FAT3: variants seen among roughly 807,000 people sequenced by gnomAD.
FAT3 encodes protocadherin Fat 3.
In FAT3, 95 loss-of-function variants were observed where a neutral mutation model predicts 310.2. That is an observed-to-expected ratio of 0.31 (90% confidence interval 0.26 to 0.36). FAT3 has a LOEUF of 0.36. FAT3 is among the 10% of genes least tolerant of loss of function. The pLI is 1.00. For missense variants in FAT3, 5,408 were observed against 5,715.6 expected (o/e 0.95, Z 1.74); for synonymous variants, 2,314 against 2,192.9 (o/e 1.06, Z -1.54).
intron 1 of FAT3, among the ~76,000 whole-genome samples, chr11:92,242,741 C>T (rs779850996): frequency 1.3e-5 from 2 of 151,968 alleles, no homozygotes; most frequent in Admixed American, 6.6e-5. Flanking sequence ...GTATCTGAAT[C>T]TTATGGTCAC....
intron 2 of FAT3, among the ~76,000 whole-genome samples, chr11:92,478,487 C>T (rs1952107648): frequency 6.6e-6 from 1 of 152,188 alleles, no homozygotes; most frequent in African/African-American, 2.4e-5. Context: ...GTTCCTCACT[C>T]AGGAGATGAT....
chr11:92,309,964 G>GTT (rs540275535), intron 1 of FAT3, among the ~76,000 whole-genome samples: 2 of 138,606 alleles, frequency 1.4e-5, no homozygotes. Context: ...TTAGATCTCT[G>GTT]TTTTTTTTTT....
rs1450102388 is a variant in FAT3 at position 92,565,069 on chromosome 11, A to G, written c.3607+40121A>G. Among the ~76,000 whole-genome samples the G allele has an allele frequency of 4.9e-5, 7 of 143,702 alleles. No homozygotes were observed. The Admixed American group carries it at 5.1e-4, about 10-fold the overall frequency. The allele number at this position is 143,702 out of a possible 152,430, so 94.3% of individuals were successfully genotyped here. On this transcript the variant is annotated intron_variant, in intron 3 of 27. Coordinates refer to ENST00000525166, the MANE Select transcript of FAT3 (RefSeq NM_001367949.2). ...AACTGAAGGAAATAGAGACACAATA[A>G]ACCCTTCAAAAAATTAATGAATCCA... is the stretch of plus-strand genomic sequence containing the variant.
intron 1 of FAT3, among the ~76,000 whole-genome samples, chr11:92,310,661 AT>A (rs1438048401): frequency 3.7e-4 from 56 of 152,204 alleles, no homozygotes; most frequent in African/African-American, 1.2e-3. Flanking sequence ...GTGTGTATAT[AT>A]ATATGTGTAT....
intron 2 of FAT3, chr11:92,366,664 A>G (rs2134695158): frequency 1.9e-6 from 1 of 534,684 alleles, no homozygotes; most frequent in South Asian, 1.4e-5. Flanking sequence ...GACCTTCCAC[A>G]TGCTTGACAA....
At chr11:92,557,777 A>C (rs1308239749) in intron 3 of FAT3, among the ~76,000 whole-genome samples, 1 of 152,182 alleles carries the variant, frequency 6.6e-6, no homozygotes, top group African/African-American at 2.4e-5. Flanking sequence ...AAATCCTGTG[A>C]TGTCTTAAAA....
At chr11:92,889,067 G>A in intron 25 of FAT3, 122 bp from the exon 26 acceptor site, 4 of 537,778 alleles carry the variant, frequency 7.4e-6, no homozygotes, top group Non-Finnish European at 3.3e-6. Flanking sequence ...GGCTTTGGGT[G>A]TTTGCATGCC....
At chr11:92,873,453 C>T (rs1202781668) in intron 22 of FAT3, among the ~76,000 whole-genome samples, 1 of 152,172 alleles carries the variant, frequency 6.6e-6, no homozygotes, top group Non-Finnish European at 1.5e-5. Context: ...CTTTCCTTAT[C>T]AAGGCAGCCA....
chr11:92,824,407 A>G (rs1034699530), intron 13 of FAT3, among the ~76,000 whole-genome samples: 2 of 152,226 alleles, frequency 1.3e-5, no homozygotes, highest in African/African-American at 4.8e-5. Context: ...ATTTCTTTAA[A>G]TAACTTTATA....
chr11:92,530,672 G>T (rs1440936732), intron 3 of FAT3, among the ~76,000 whole-genome samples: 1 of 151,926 alleles, frequency 6.6e-6, no homozygotes, highest in Non-Finnish European at 1.5e-5. Context: ...GTTATTAAGT[G>T]GAGTTCAGAC....
At chr11:92,457,875 T>C (rs1951534349) in intron 2 of FAT3, among the ~76,000 whole-genome samples, 1 of 152,090 alleles carries the variant, frequency 6.6e-6, no homozygotes, top group South Asian at 2.1e-4. Flanking sequence ...TGAGCCAAAA[T>C]CATGCCACTG....
At chr11:92,647,367 A>G (rs531790437) in intron 3 of FAT3, among the ~76,000 whole-genome samples, 2 of 152,304 alleles carry the variant, frequency 1.3e-5, no homozygotes, top group East Asian at 3.9e-4. Context: ...TGGACTCCAA[A>G]TGACATAATT....
intron 3 of FAT3, among the ~76,000 whole-genome samples, chr11:92,529,858 A>G (rs1565387437): frequency 6.6e-6 from 1 of 152,176 alleles, no homozygotes; most frequent in Non-Finnish European, 1.5e-5. Flanking sequence ...AGTAGAGGTG[A>G]AGTTCAGCTT....
chr11:92,478,553 T>C (rs1271537939), intron 2 of FAT3, among the ~76,000 whole-genome samples: 1 of 152,172 alleles, frequency 6.6e-6, no homozygotes, highest in Non-Finnish European at 1.5e-5. Context: ...ATATTAACAA[T>C]TTTATTTCCC....
Position 92,357,493 on chromosome 11 carries a change from T to C in FAT3, c.3292+2089T>C, listed in dbSNP as rs566795539. Among the ~76,000 whole-genome samples the C allele has an allele frequency of 3.0e-4, 45 of 152,306 alleles. No individual in the cohort carries two copies. In the South Asian group the frequency reaches 8.5e-3, roughly 29 times the overall value. On this transcript the variant is annotated intron_variant, in intron 2 of 27. Transcript: ENST00000525166. Reference sequence around the variant, plus strand: ...CAAAATCCTTGCAACCCTGGACTTATTGACTAATGGTGCTGGTCATTGATT... The same window carrying C: ...CAAAATCCTTGCAACCCTGGACTTACTGACTAATGGTGCTGGTCATTGATT...
At chr11:92,559,507 CTT>C (rs1955146184) in intron 3 of FAT3, 1 of 366,036 alleles carries the variant, frequency 2.7e-6, no homozygotes, top group Non-Finnish European at 5.5e-6. Context: ...GCCTCAGCCT[CTT>C]GAGTAGCTGG....
chr11:92,703,576 A>G (rs772133210), intron 4 of FAT3, among the ~76,000 whole-genome samples: 3 of 152,180 alleles, frequency 2.0e-5, no homozygotes, highest in Non-Finnish European at 4.4e-5. Flanking sequence ...ACCACACACA[A>G]TTAATGCCCT....
intron 2 of FAT3, among the ~76,000 whole-genome samples, chr11:92,416,219 CAA>C (rs34393360): frequency 0.13 from 17,560 of 131,246 alleles, 2,316 homozygotes; most frequent in African/African-American, 0.35. Flanking sequence ...ACTAAAGATA[CAA>C]AAAAAAAAAA....
intron 2 of FAT3, chr11:92,366,660 C>T: frequency 1.9e-6 from 1 of 534,842 alleles, no homozygotes; most frequent in Non-Finnish European, 3.8e-6. Context: ...CAGAGACCTT[C>T]CACATGCTTG....
Sources: gnomAD v4.1 joint callset for allele counts (sites outside exome capture counted in the v4.1 genomes callset) on GRCh38, gnomAD v4.1.1 for gene constraint, MANE v1.5 for transcripts, NCBI Gene and HGNC (gene_info 2026-07-23, HGNC 2026-07-21) for gene names.